The following DLGAP2 variants were observed in gnomAD, a reference collection of about 807,000 sequenced individuals.
The protein encoded by DLGAP2 is disks large-associated protein 2.
A neutral mutation model predicts 100.3 loss-of-function variants in DLGAP2; 26 were observed. The observed-to-expected ratio is 0.26, with a 90% CI of 0.19 to 0.36. The LOEUF is 0.36. Ranked by LOEUF, DLGAP2 falls within the 10% of genes least tolerant of loss-of-function variation. DLGAP2 has a pLI of 1.00. For missense variants in DLGAP2, 1,858 were observed against 1,453.2 expected, an observed-to-expected ratio of 1.28 and a Z score of -4.53; for synonymous variants, 886 against 630.1, an observed-to-expected ratio of 1.41 and a Z score of -6.08.
At chr8:1,180,277 C>A (rs891503412) in intron 2 of DLGAP2, among the ~76,000 whole-genome samples, 5 of 152,216 alleles carry the variant, frequency 3.3e-5, no homozygotes. Context: ...ACATGCCAGT[C>A]AGACGTGGAA....
chr8:1,373,522 G>T (rs1196112280), intron 3 of DLGAP2, among the ~76,000 whole-genome samples: 1 of 152,242 alleles, frequency 6.6e-6, no homozygotes, highest in African/African-American at 2.4e-5. Flanking sequence ...AGAGGGCAGT[G>T]GGCAATTGTT....
chr8:817,041 T>C (rs550918103), intron 1 of DLGAP2, among the ~76,000 whole-genome samples: 1 of 151,284 alleles, frequency 6.6e-6, no homozygotes, highest in Non-Finnish European at 1.5e-5. Flanking sequence ...CTCAGGAGGC[T>C]GAGGCCGGAG....
chr8:1,066,563 G>C (rs563528973), intron 2 of DLGAP2, among the ~76,000 whole-genome samples: 57 of 150,544 alleles, frequency 3.8e-4, no homozygotes, highest in African/African-American at 1.3e-3. Flanking sequence ...CCACGGTCAG[G>C]TCTGAGTGAG....
At chr8:827,756 T>A (rs1417808882) in intron 1 of DLGAP2, among the ~76,000 whole-genome samples, 1 of 152,188 alleles carries the variant, frequency 6.6e-6, no homozygotes, top group African/African-American at 2.4e-5. Context: ...ACTGAATAGA[T>A]CTATGTTGCT....
chr8:1,609,588 C>T (rs1796929255), intron 6 of DLGAP2, among the ~76,000 whole-genome samples: 1 of 130,058 alleles, frequency 7.7e-6, no homozygotes, highest in Non-Finnish European at 1.7e-5. Context: ...AAGACACAGA[C>T]TGGCAAGTTG....
chr8:1,107,484 C>T (rs1249895734), intron 2 of DLGAP2, among the ~76,000 whole-genome samples: 3 of 152,160 alleles, frequency 2.0e-5, no homozygotes, highest in African/African-American at 4.8e-5. Flanking sequence ...CTCATTTGGC[C>T]TGAGAAAAAG....
chr8:1,217,228 G>T (rs1343917987), intron 2 of DLGAP2, among the ~76,000 whole-genome samples: 1 of 152,128 alleles, frequency 6.6e-6, no homozygotes, highest in African/African-American at 2.4e-5. Context: ...TTCTGTCTCT[G>T]TGTTAGTTTG....
chr8:1,581,054 A>G (rs1367556399), intron 6 of DLGAP2, among the ~76,000 whole-genome samples: 3 of 152,006 alleles, frequency 2.0e-5, no homozygotes, highest in African/African-American at 7.2e-5. Flanking sequence ...AGTGAAGGAT[A>G]CAGACAAAAC....
chr8:947,721 C>A (rs922002528), intron 2 of DLGAP2, among the ~76,000 whole-genome samples: 4 of 152,234 alleles, frequency 2.6e-5, no homozygotes, highest in African/African-American at 9.6e-5. Context: ...TGCCAAGAGA[C>A]TTCTCCATTC....
chr8:1,625,664 T>G (rs1486709995), intron 6 of DLGAP2, among the ~76,000 whole-genome samples: 2 of 152,182 alleles, frequency 1.3e-5, no homozygotes, highest in Non-Finnish European at 2.9e-5. Flanking sequence ...AGACTCTCAG[T>G]TTTTTGGCTT....
At chr8:1,614,327 C>T (rs890054430) in intron 6 of DLGAP2, among the ~76,000 whole-genome samples, 8 of 152,230 alleles carry the variant, frequency 5.3e-5, no homozygotes, top group African/African-American at 1.9e-4. Context: ...AATCTCACCT[C>T]AGAACTGACT....
At chr8:1,635,645 G>A (rs775146664) in intron 8 of DLGAP2, among the ~76,000 whole-genome samples, 15 of 152,104 alleles carry the variant, frequency 9.9e-5, no homozygotes, top group Non-Finnish European at 1.9e-4. Flanking sequence ...CTTGAAGAAC[G>A]AGATTTATTT....
In DLGAP2 at chr8:1,174,022, C is replaced by G. The variant is rs531469125; in HGVS notation, c.74-84829C>G. 3.9e-5 allele frequency among the ~76,000 whole-genome samples: 6 copies of G among 152,238 alleles called. No individual in the cohort carries two copies. In the South Asian group the frequency reaches 1.0e-3, roughly 26 times the overall value. The stretch of plus-strand genomic sequence containing the variant: ...AGCTATTCCTATTTGGCCATCTTGG[C>G]TCCTCCGCTCGATCCCATTGTTCAT... On this transcript the variant is annotated intron_variant, in intron 2 of 14. Transcript: ENST00000637795.
chr8:1,435,962 A>G (rs534010856), intron 3 of DLGAP2, among the ~76,000 whole-genome samples: 7 of 152,336 alleles, frequency 4.6e-5, no homozygotes, highest in East Asian at 1.9e-4. Context: ...CAGCTGTACA[A>G]TGCATTTGTG....
At chr8:1,251,264 A>G (rs1191916314) in intron 2 of DLGAP2, among the ~76,000 whole-genome samples, 1 of 152,180 alleles carries the variant, frequency 6.6e-6, no homozygotes, top group Non-Finnish European at 1.5e-5. Context: ...ATCAATGACT[A>G]TCTCCTAGCA....
intron 2 of DLGAP2, among the ~76,000 whole-genome samples, chr8:1,118,356 T>G (rs1795947174): frequency 6.6e-6 from 1 of 152,180 alleles, no homozygotes; most frequent in Non-Finnish European, 1.5e-5. Context: ...TGCATTACAT[T>G]GTCTTTGTTC....
intron 3 of DLGAP2, among the ~76,000 whole-genome samples, chr8:1,306,151 G>A (rs1379521225): frequency 1.3e-5 from 2 of 148,660 alleles, no homozygotes; most frequent in Non-Finnish European, 3.0e-5. Flanking sequence ...ATTGTTATTT[G>A]CAGATGACAT....
At chr8:933,297 C>T (rs956060317) in intron 2 of DLGAP2, among the ~76,000 whole-genome samples, 2 of 152,264 alleles carry the variant, frequency 1.3e-5, no homozygotes, top group South Asian at 4.1e-4. Flanking sequence ...CGGCCCTGGC[C>T]ATGGTCCCGG....
intron 2 of DLGAP2, among the ~76,000 whole-genome samples, chr8:1,139,300 A>C (rs912867586): frequency 2.6e-5 from 4 of 152,222 alleles, no homozygotes; most frequent in African/African-American, 7.2e-5. Flanking sequence ...GTCAGTAAGC[A>C]CTGTCTCAGC....
Sources: allele counts gnomAD v4.1 joint callset (sites outside exome capture counted in the v4.1 genomes callset), GRCh38; gene constraint gnomAD v4.1.1; transcripts MANE v1.5; gene names NCBI Gene and HGNC (gene_info 2026-07-23, HGNC 2026-07-21).